The following SH3PXD2A variants were observed in gnomAD, a reference collection of about 807,000 sequenced individuals.
SH3PXD2A encodes the protein SH3 and PX domain-containing protein 2A.
In SH3PXD2A, 32 loss-of-function variants were observed where a neutral mutation model predicts 115.2. That is an observed-to-expected ratio of 0.28 (90% CI 0.21 to 0.37). The LOEUF (loss-of-function observed/expected upper bound fraction) is 0.37. Ranked by LOEUF, SH3PXD2A falls within the 10% of genes least tolerant of loss-of-function variation. The probability of loss-of-function intolerance (pLI) is 1.00; values close to 1 mark genes in which losing one functional copy is unlikely to be tolerated. For synonymous variants in SH3PXD2A, 610 were observed against 629.1 expected (o/e 0.97, Z 0.45); for missense variants, 1,328 against 1,498.7 (o/e 0.89, Z 1.88).
chr10:103,739,163 G>T (rs1025400504), intron 3 of SH3PXD2A, among the ~76,000 whole-genome samples: 1 of 152,166 alleles, frequency 6.6e-6, no homozygotes, highest in Non-Finnish European at 1.5e-5. Flanking sequence ...AGGTAGATGA[G>T]AGGGTGCTCC....
At chr10:103,615,171 G>C (rs549840561) in intron 11 of SH3PXD2A, among the ~76,000 whole-genome samples, 2 of 152,328 alleles carry the variant, frequency 1.3e-5, no homozygotes, top group South Asian at 4.1e-4. Context: ...TGGTGCTCTT[G>C]CATCTCAGAG....
At position 103,669,736 on chromosome 10, in the gene SH3PXD2A, T is replaced by C. The variant is rs914748577; in HGVS notation, c.428-1084A>G. 7.2e-5 allele frequency among the ~76,000 whole-genome samples: 11 copies of C among 152,342 alleles called. No homozygotes were observed. In the South Asian group the frequency reaches 2.1e-3, roughly 29 times the overall value. On this transcript the variant is annotated intron_variant, in intron 6 of 14. Transcript: ENST00000369774. ...AGAGCACTGGCTGCAGTGGGGACAATTAAAAGGCAACGCTGAATTGCAGGT... is the reference window on the plus strand; with the variant it reads ...AGAGCACTGGCTGCAGTGGGGACAACTAAAAGGCAACGCTGAATTGCAGGT...
At chr10:103,622,311 AC>A (rs2036618813) in intron 10 of SH3PXD2A, among the ~76,000 whole-genome samples, 158 bp downstream of exon 10, 1 of 151,970 alleles carries the variant, frequency 6.6e-6, no homozygotes, top group African/African-American at 2.4e-5. Flanking sequence ...AAGCAGGCCC[AC>A]CCCACACCAG....
In SH3PXD2A at chr10:103,611,592, C is replaced by G. The variant is rs142706485; in HGVS notation, c.1297G>C (p.Glu433Gln). ...TTCAGTACACATACCAGGCTGGATT[C>G]TCTGCGTGGTGGAGGTCTTGTCCGT... ...NLRTRPPPRR[E>Q]SSLGFQLPKP... is the part of the protein sequence containing the mutation. The change falls in exon 13 of 15, where the codon GAA (glutamate) becomes CAA (glutamine). Residue 433 changes from glutamate to glutamine, a missense_variant. Glu to Gln is a conservative substitution (Grantham distance 29). Around this residue, in one of 5 missense-constraint regions of SH3PXD2A, gnomAD observed 509 missense variants for 628.3 expected, o/e 0.81. Coordinates refer to ENST00000369774, the MANE Select transcript of SH3PXD2A (RefSeq NM_001394015.1). The G allele has an allele frequency of 3.7e-6, 6 of 1,613,868 alleles. No individual in the cohort carries two copies. Among genetic ancestry groups the G allele is most frequent in the Non-Finnish European group, 5.1e-6 (6 of 1,179,852 alleles).
At chr10:103,822,050 T>C (rs1181146027) in intron 1 of SH3PXD2A, among the ~76,000 whole-genome samples, 1 of 152,128 alleles carries the variant, frequency 6.6e-6, no homozygotes, top group African/African-American at 2.4e-5. Flanking sequence ...ATTACAGGCA[T>C]GCACCACCAT....
At chr10:103,848,402 C>T (rs1165286031) in intron 1 of SH3PXD2A, among the ~76,000 whole-genome samples, 2 of 152,136 alleles carry the variant, frequency 1.3e-5, no homozygotes, top group Non-Finnish European at 2.9e-5. Flanking sequence ...CAGGCACAGT[C>T]GCAAAAACAG....
intron 2 of SH3PXD2A, among the ~76,000 whole-genome samples, chr10:103,792,293 T>C (rs571771372): frequency 1.3e-4 from 20 of 152,362 alleles, no homozygotes; most frequent in Non-Finnish European, 1.5e-4. Context: ...TGAAAATCAT[T>C]TATCTAGAAA....
intron 6 of SH3PXD2A, chr10:103,678,049 A>T: frequency 8.9e-7 from 1 of 1,128,796 alleles, no homozygotes; most frequent in Non-Finnish European, 1.2e-6. Flanking sequence ...ATCTGCTTTA[A>T]TGCCCTTCAA....
chr10:103,693,218 G>GCGCGC (rs2037781461), intron 5 of SH3PXD2A, 162 bp from the exon 6 acceptor site: 1 of 190,462 alleles, frequency 5.3e-6, no homozygotes, highest in Non-Finnish European at 1.0e-5. Context: ...CGCACGCACT[G>GCGCGC]CGCGCCGCGC....
intron 4 of SH3PXD2A, among the ~76,000 whole-genome samples, chr10:103,727,982 C>A (rs1426648309): frequency 6.6e-6 from 1 of 152,254 alleles, no homozygotes; most frequent in Non-Finnish European, 1.5e-5. Context: ...CACCCCCAAG[C>A]CCAGCCGTTG....
intron 9 of SH3PXD2A, among the ~76,000 whole-genome samples, chr10:103,626,072 C>T (rs1288986989): frequency 2.6e-5 from 4 of 152,248 alleles, no homozygotes; most frequent in Non-Finnish European, 5.9e-5. Context: ...CCTGAACATG[C>T]GGGCCCTTCC....
intron 11 of SH3PXD2A, among the ~76,000 whole-genome samples, chr10:103,616,035 GGGGGCGGGGTA>G (rs1244509027): frequency 8.6e-5 from 13 of 150,858 alleles, no homozygotes; most frequent in Admixed American, 5.9e-4. Flanking sequence ...GGGGCGGGGT[GGGGGCGGGGTA>G]GGGGCGGGGG....
intron 7 of SH3PXD2A, among the ~76,000 whole-genome samples, chr10:103,667,157 T>C (rs1023039605): frequency 6.6e-6 from 1 of 152,154 alleles, no homozygotes; most frequent in South Asian, 2.1e-4. Context: ...ACTCTGGCCC[T>C]GGACTCGCAG....
chr10:103,614,209 C>T (rs934698468), intron 11 of SH3PXD2A, among the ~76,000 whole-genome samples: 4 of 151,826 alleles, frequency 2.6e-5, no homozygotes, highest in Admixed American at 2.0e-4. Context: ...GAGCTATGAT[C>T]ATACCACTGC....
rs2036202202 is a variant in SH3PXD2A, at chr10:103,600,663, T to G, written c.*1153A>C. 6.6e-6 allele frequency: 1 copy of G among 152,152 alleles called. No homozygotes were observed. Among genetic ancestry groups the G allele is most frequent in the Non-Finnish European group, 1.5e-5 (1 of 68,012 alleles). The allele number at this position is 152,152 out of a possible 1,614,324, so 9.4% of individuals were successfully genotyped here. A position where few individuals can be genotyped will look rare whatever the true frequency, so the allele number is the denominator to read the frequency against. On this transcript the variant is annotated 3_prime_UTR_variant, in exon 15 of 15. Coordinates refer to ENST00000369774, the MANE Select transcript of SH3PXD2A (RefSeq NM_001394015.1). ...CCTTCCTGGGGAGGGTTTTTGCCCC[T>G]CTGAGGTTGTGCAGGAACCAGAAGA...
chr10:103,696,211 C>T (rs2037822378), intron 5 of SH3PXD2A, among the ~76,000 whole-genome samples: 1 of 152,180 alleles, frequency 6.6e-6, no homozygotes, highest in Non-Finnish European at 1.5e-5. Context: ...GGGTGTCTGG[C>T]CTGCCCGAGC....
In SH3PXD2A at chr10:103,788,773, T is replaced by C. The variant is rs146337349; in HGVS notation, c.153+12509A>G. Among the ~76,000 whole-genome samples the C allele has an allele frequency of 9.4e-3, 1,432 of 152,146 alleles. 10 individuals are homozygous for C. The highest frequency in any genetic ancestry group is 0.013 in the Non-Finnish European group (876 of 67,990). ...TCCCAGCTACTCTAATCCCAGCTAC[T>C]CGGGAGGCTGAGGCAGGAGAATCGC... On this transcript the variant is annotated intron_variant, in intron 2 of 14. Transcript: ENST00000369774.
rs1402642296 is a variant in SH3PXD2A at position 103,605,785 on chromosome 10, G to A, written c.1428+13C>T. 10 of 1,613,938 alleles carry A rather than the reference G, an allele frequency of 6.2e-6. No homozygotes were observed. The African/African-American group carries it at 1.3e-4, about 22-fold the overall frequency. On this transcript the variant is annotated intron_variant, in intron 14 of 14. Coordinates refer to ENST00000369774, the MANE Select transcript of SH3PXD2A (RefSeq NM_001394015.1). ...ATGAGTTAAAACCCTCGGCCTCATG[G>A]CCCAAGGCTTACCTCTGCCTTCTGT...
intron 13 of SH3PXD2A, among the ~76,000 whole-genome samples, 185 bp downstream of exon 13, chr10:103,611,396 T>C (rs966913459): frequency 3.3e-5 from 5 of 152,188 alleles, no homozygotes; most frequent in African/African-American, 9.6e-5. Flanking sequence ...CAGCCAGGCC[T>C]CCAGGAAGGC....
Sources: gnomAD v4.1 joint callset for allele counts (sites outside exome capture counted in the v4.1 genomes callset) on GRCh38, gnomAD v4.1.1 for gene constraint, gnomAD v4.1.1 regional missense constraint, MANE v1.5 for transcripts, NCBI Gene and HGNC (gene_info 2026-07-23, HGNC 2026-07-21) for gene names.